Variants in ADTRP observed in about 807,000 individuals in gnomAD.
ADTRP encodes androgen dependent TFPI regulating protein, also known as androgen-dependent TFPI-regulating protein.
In ADTRP, 20 loss-of-function variants were observed where a neutral mutation model predicts 27.0. That is an observed-to-expected ratio of 0.74 (90% CI 0.52 to 1.08). The LOEUF is 1.08. Among genes scored for constraint, ADTRP ranks in the 50% least tolerant of loss-of-function variants. The pLI is 0.00. For missense variants in ADTRP, 251 were observed against 275.0 expected (o/e 0.91, Z 0.62); for synonymous variants, 101 against 105.2 (o/e 0.96, Z 0.25).
intron 5 of ADTRP, among the ~76,000 whole-genome samples, chr6:11,720,637 A>G (rs927565705): frequency 1.3e-5 from 2 of 152,008 alleles, no homozygotes; most frequent in Admixed American, 1.3e-4. Flanking sequence ...ACACCCGGCT[A>G]ATTTTTTGTA....
At chr6:11,745,397 C>A (rs1455657461) in intron 3 of ADTRP, among the ~76,000 whole-genome samples, 1 of 152,108 alleles carries the variant, frequency 6.6e-6, no homozygotes, top group South Asian at 2.1e-4. Flanking sequence ...TCTTTGAACT[C>A]AAAAAATATT....
At position 11,735,721 on chromosome 6, in the gene ADTRP, G is replaced by A. The variant is rs1762527590; in HGVS notation, c.391-38C>T. 2.1e-6 allele frequency: 3 copies of A among 1,432,674 alleles called. No homozygotes were observed. In the East Asian group the frequency reaches 6.9e-5, roughly 33 times the overall value. The allele number at this position is 1,432,674 out of a possible 1,614,324, so 88.7% of individuals were successfully genotyped here. Reference sequence around the variant, plus strand: ...AAATGGCAAATCAGAATGGCAGGGTGTCCAGGGTGCCTACAGTGCCCATAA... The same window carrying A: ...AAATGGCAAATCAGAATGGCAGGGTATCCAGGGTGCCTACAGTGCCCATAA... On this transcript the variant is annotated intron_variant, in intron 3 of 5. Coordinates refer to ENST00000414691, the MANE Select transcript of ADTRP (RefSeq NM_032744.4).
rs547769739 is a variant in ADTRP at position 11,748,077 on chromosome 6, G to A, written c.391-12394C>T. On this transcript the variant is annotated intron_variant, in intron 3 of 5. Coordinates refer to ENST00000414691, the MANE Select transcript of ADTRP (RefSeq NM_032744.4). ...CACCAATCAGAACAGACATTGATTC[G>A]CCTCAAGCAAAATATATGTAATTAT... Among the ~76,000 whole-genome samples, 8 of 152,252 alleles carry A rather than the reference G, an allele frequency of 5.3e-5. No individual in the cohort carries two copies. In the South Asian group the frequency reaches 8.3e-4, roughly 16 times the overall value.
intron 3 of ADTRP, among the ~76,000 whole-genome samples, chr6:11,765,862 T>C (rs1763555518): frequency 6.6e-6 from 1 of 152,196 alleles, no homozygotes; most frequent in South Asian, 2.1e-4. Context: ...CGTGACAAAG[T>C]GTGTTACTTA....
At chr6:11,777,236 T>A (rs1004324224) in intron 1 of ADTRP, among the ~76,000 whole-genome samples, 5 of 126,662 alleles carry the variant, frequency 3.9e-5, no homozygotes, top group Non-Finnish European at 6.9e-5. Context: ...AATTAAAAAG[T>A]CAGGATCAGT....
chr6:11,774,023 TA>T (rs1763869792), intron 1 of ADTRP, among the ~76,000 whole-genome samples: 1 of 152,192 alleles, frequency 6.6e-6, no homozygotes, highest in African/African-American at 2.4e-5. Flanking sequence ...AAGAGTGCCA[TA>T]GGGGTTGGGT....
intron 1 of ADTRP, among the ~76,000 whole-genome samples, chr6:11,774,122 C>T (rs1430677296): frequency 3.3e-5 from 5 of 149,430 alleles, no homozygotes; most frequent in Admixed American, 1.4e-4. Context: ...ACCTGGCCAA[C>T]ATGGTGCAAC....
intron 3 of ADTRP, among the ~76,000 whole-genome samples, chr6:11,745,226 C>T (rs912123236): frequency 2.0e-5 from 3 of 151,782 alleles, no homozygotes; most frequent in African/African-American, 7.3e-5. Context: ...GTGTGTGTAC[C>T]TCTTGCCAGT....
Position 11,773,361 on chromosome 6 carries a change from G to A in ADTRP, c.154-4978C>T, listed in dbSNP as rs528840352. Among the ~76,000 whole-genome samples the A allele has an allele frequency of 1.4e-4, 21 of 152,322 alleles. 1 individual carries two copies. In the East Asian group the frequency reaches 2.7e-3, roughly 20 times the overall value. On this transcript the variant is annotated intron_variant, in intron 1 of 5. Coordinates refer to ENST00000414691, the MANE Select transcript of ADTRP (RefSeq NM_032744.4). ...GCCTGCAGGATGTTCACTGAAGAAC[G>A]CTCTCAGACATCTATGAGAGGCAAA...
At chr6:11,743,764 G>A (rs182289931) in intron 3 of ADTRP, among the ~76,000 whole-genome samples, 2 of 152,294 alleles carry the variant, frequency 1.3e-5, no homozygotes, top group African/African-American at 4.8e-5. Context: ...ACAAAGTGGG[G>A]CAGAAGAGGA....
chr6:11,732,095 A>C (rs1371550617), intron 4 of ADTRP, among the ~76,000 whole-genome samples: 1 of 152,220 alleles, frequency 6.6e-6, no homozygotes. Flanking sequence ...AAAGCTTTGC[A>C]GTCATTACTA....
At position 11,774,244 on chromosome 6, in the gene ADTRP, G is replaced by A. The variant is rs28607906; in HGVS notation, c.153+4363C>T. Among the ~76,000 whole-genome samples the A allele has an allele frequency of 7.7e-3, 1,165 of 152,216 alleles. 30 individuals carry two copies. The highest frequency in any genetic ancestry group is 0.027 in the African/African-American group (1,104 of 41,518). On this transcript the variant is annotated intron_variant, in intron 1 of 5. Coordinates refer to ENST00000414691, the MANE Select transcript of ADTRP (RefSeq NM_032744.4). ...GAATTACCTGAACCCAGGAGGCAGA[G>A]GTTGCAGTGAGCCAAGATTGTGCCA...
intron 3 of ADTRP, among the ~76,000 whole-genome samples, chr6:11,765,014 C>T (rs550592125): frequency 4.1e-4 from 63 of 151,866 alleles, no homozygotes; most frequent in Admixed American, 1.8e-3. Context: ...GAGGAGGGTT[C>T]CTGAGAGGTC....
rs34211710 is a variant in ADTRP at position 11,724,062 on chromosome 6, AAAACAAAC to A, written c.507-570_507-563del. 7.2e-4 allele frequency among the ~76,000 whole-genome samples: 108 copies of A among 149,902 alleles called. 1 individual carries two copies. In the East Asian group the frequency reaches 0.01, roughly 14 times the overall value. ...GCAACAAGAGTGAAACTTTGTCTCA[AAAACAAAC>A]AAACAAACAAACAAACAAACATAGA... On this transcript the variant is annotated intron_variant, in intron 4 of 5. Transcript: ENST00000414691.
chr6:11,771,814 C>T (rs745492042), intron 1 of ADTRP, among the ~76,000 whole-genome samples: 3 of 152,140 alleles, frequency 2.0e-5, no homozygotes, highest in Non-Finnish European at 4.4e-5. Context: ...ATGAGGACTA[C>T]AGACACACAC....
chr6:11,721,887 C>A (rs1762034503), intron 5 of ADTRP, among the ~76,000 whole-genome samples: 1 of 151,896 alleles, frequency 6.6e-6, no homozygotes, highest in African/African-American at 2.4e-5. Flanking sequence ...GTTTAAAATT[C>A]ACCATAGAGT....
intron 4 of ADTRP, among the ~76,000 whole-genome samples, chr6:11,733,455 T>C (rs778337821): frequency 6.6e-6 from 1 of 152,212 alleles, no homozygotes; most frequent in Non-Finnish European, 1.5e-5. Context: ...TTTTTCTGCC[T>C]GAAGGTCTTT....
chr6:11,768,249 C>A lies in ADTRP; in HGVS notation c.288G>T (p.Thr96=). Residue 96 remains threonine (T), a splice_region_variant and synonymous_variant, in exon 2 of 6, where the codon ACG becomes ACT. Transcript: ENST00000414691. ...TTATGTACACATCTTTGAAACTTAC[C>A]GTGGATACAGGAAAAGCCAGAGTGG... ...LFTTLAFPVS[T]FVFLAFWILF... is the part of the protein sequence containing the mutation. 1 of 1,614,012 alleles carries A rather than the reference C, an allele frequency of 6.2e-7. No homozygotes were observed. Among genetic ancestry groups the A allele is most frequent in the South Asian group, 1.1e-5 (1 of 91,046 alleles).
At chr6:11,760,741 T>C (rs1763367456) in intron 3 of ADTRP, among the ~76,000 whole-genome samples, 1 of 152,222 alleles carries the variant, frequency 6.6e-6, no homozygotes, top group Non-Finnish European at 1.5e-5. Context: ...AATAGGCATC[T>C]AAAACTCACG....
Sources: gnomAD v4.1 joint callset for allele counts (sites outside exome capture counted in the v4.1 genomes callset) on GRCh38, gnomAD v4.1.1 for gene constraint, MANE v1.5 for transcripts, NCBI Gene and HGNC (gene_info 2026-07-23, HGNC 2026-07-21) for gene names.